The following SPC25 variants were observed in gnomAD, a reference collection of about 807,000 sequenced individuals.
SPC25 encodes the protein kinetochore protein Spc25.
Under a neutral mutation model 29.6 loss-of-function variants are expected in SPC25, and 22 were observed. The observed-to-expected ratio is 0.74, with a 90% CI of 0.53 to 1.06. The LOEUF is 1.06. Among genes scored for constraint, SPC25 ranks in the 50% least tolerant of loss-of-function variants. The pLI is 0.00. For synonymous variants in SPC25, 91 were observed against 90.4 expected (o/e 1.01, Z -0.04); for missense variants, 230 against 255.8 (o/e 0.90, Z 0.69).
chr2:168,863,587 A>AAATTGATGTTGTAT, intron 4 of SPC25: 4 of 985,230 alleles, frequency 4.1e-6, no homozygotes, highest in Non-Finnish European at 4.8e-6. Flanking sequence ...TATTGTCTCC[A>AAATTGATGTTGTAT]AATTGATGTT....
intron 3 of SPC25, among the ~76,000 whole-genome samples, chr2:168,888,924 CGTGTGTGTGTGTGT>C (rs375198489): frequency 5.7e-5 from 5 of 87,508 alleles, no homozygotes; most frequent in African/African-American, 2.2e-4. Context: ...ACTACATGTA[CGTGTGTGTGTGTGT>C]GTGTGTGTGT....
chr2:168,889,571 G>T (rs1338658964), intron 1 of SPC25, 38 bp from the exon 2 acceptor site: 1 of 1,571,964 alleles, frequency 6.4e-7, no homozygotes, highest in African/African-American at 1.3e-5. Context: ...TTAAGTTACT[G>T]AAATCAAATC....
intron 3 of SPC25, among the ~76,000 whole-genome samples, chr2:168,887,239 G>A (rs901215271): frequency 9.9e-5 from 15 of 151,918 alleles, no homozygotes; most frequent in African/African-American, 2.9e-4. Context: ...TGGCTAACAC[G>A]GTGAAACCCC....
Position 168,876,163 on chromosome 2 carries a change from A to G in SPC25, c.360T>C (p.Ala120=), listed in dbSNP as rs758104552. ...TCAACCTCTCTGCATTCGCTTTATTAGCAGTAGAAATAGCTGATTAAAAAA... is the reference window on the plus strand; with the variant it reads ...TCAACCTCTCTGCATTCGCTTTATTGGCAGTAGAAATAGCTGATTAAAAAA... ...YSRKKETIST[A]NKANAERLKR... The change falls in exon 5 of 7, where the codon GCT becomes GCC. Residue 120 remains alanine (A), a synonymous_variant. Coordinates refer to ENST00000282074, the MANE Select transcript of SPC25 (RefSeq NM_020675.4). The G allele has an allele frequency of 2.5e-5, 39 of 1,562,314 alleles. No individual in the cohort carries two copies. The highest frequency in any genetic ancestry group is 3.4e-5 in the Non-Finnish European group (39 of 1,162,352).
chr2:168,870,587 G>A (rs1355708356), downstream of SPC25, among the ~76,000 whole-genome samples: 1 of 151,736 alleles, frequency 6.6e-6, no homozygotes, highest in Non-Finnish European at 1.5e-5. Flanking sequence ...CATTTATGCA[G>A]CCAAAATCAC....
chr2:168,871,450 G>A lies in SPC25; in HGVS notation c.656C>T (p.Thr219Ile). ...TGTATGTTAATTATAAACCGTGGCA[G>A]TAAAAGCTTTCCGAACATTGGCAAG... Reference protein sequence around the residue: ...AFLANVRKAFTATVYN With the variant: ...AFLANVRKAFIATVYN Residue 219 changes from threonine (T) to isoleucine (I), a missense_variant, in exon 7 of 7, where the codon ACT (threonine) becomes ATT (isoleucine). Thr to Ile is a moderately conservative substitution (Grantham distance 89). Coordinates refer to ENST00000282074, the MANE Select transcript of SPC25 (RefSeq NM_020675.4). 4 of 1,607,516 alleles carry A rather than the reference G, an allele frequency of 2.5e-6. No homozygotes were observed. Among genetic ancestry groups the A allele is most frequent in the South Asian group, 1.1e-5 (1 of 89,194 alleles).
chr2:168,862,157 T>C (rs1689498323), intron 4 of SPC25: 3 of 904,552 alleles, frequency 3.3e-6, no homozygotes, highest in Non-Finnish European at 3.5e-6. Context: ...CCATGTCAAA[T>C]CAGTTCACCC....
At position 168,871,573 on chromosome 2, in the gene SPC25, A is replaced by T. The variant is rs751053529; in HGVS notation, c.551-18T>A. The T allele has an allele frequency of 6.5e-7, 1 of 1,544,662 alleles. No individual in the cohort carries two copies. The highest frequency in any genetic ancestry group is 8.7e-7 in the Non-Finnish European group (1 of 1,152,606). On this transcript the variant is annotated intron_variant, in intron 6 of 6. Coordinates refer to ENST00000282074, the MANE Select transcript of SPC25 (RefSeq NM_020675.4). ...ATCTGACACTAGAAAAAAAAAAAAA[A>T]GAAATCAAAGACAATTAGAATGAGT...
intron 3 of SPC25, among the ~76,000 whole-genome samples, chr2:168,881,083 T>C (rs528336616): frequency 6.6e-6 from 1 of 152,292 alleles, no homozygotes; most frequent in South Asian, 2.1e-4. Context: ...TTTGTAAAAA[T>C]TGCAATATCT....
intron 4 of SPC25, among the ~76,000 whole-genome samples, chr2:168,876,972 A>G (rs796935897): frequency 1.3e-4 from 20 of 152,242 alleles, no homozygotes; most frequent in African/African-American, 4.8e-4. Context: ...ACCATTTCTC[A>G]CTCTGCTTAA....
At chr2:168,864,434 C>A (rs533539605) in intron 4 of SPC25, among the ~76,000 whole-genome samples, 1 of 151,570 alleles carries the variant, frequency 6.6e-6, no homozygotes, top group African/African-American at 2.4e-5. Flanking sequence ...TACAGGCGTG[C>A]GCCACCACAC....
chr2:168,866,441 T>A, downstream of SPC25, among the ~76,000 whole-genome samples: 1 of 150,488 alleles, frequency 6.6e-6, no homozygotes, highest in East Asian at 2.0e-4. Flanking sequence ...AAGCTGAAAC[T>A]GGATCCCTTC....
At position 168,862,000 on chromosome 2, in the gene SPC25, C is replaced by A. The variant is rs757389670; in HGVS notation, n.419+11585G>T. On this transcript the variant is annotated intron_variant and non_coding_transcript_variant, in intron 4 of 4. Coordinates refer to the SPC25 transcript ENST00000479309. ...AGCTCAGCAGCAGACTTTGCAAGGC[C>A]TTGTATTCTTTTCAAGCCAGGCAAG... The A allele has an allele frequency of 1.9e-6, 3 of 1,614,048 alleles. No homozygotes were observed. In the Admixed American group the frequency reaches 5.0e-5, roughly 27 times the overall value.
rs556775882 is a variant in SPC25 at position 168,863,917 on chromosome 2, AT to A, written n.419+9667del. Among the ~76,000 whole-genome samples the A allele has an allele frequency of 9.4e-4, 139 of 147,656 alleles. 1 individual carries two copies. The highest frequency in any genetic ancestry group is 2.6e-3 in the African/African-American group (104 of 40,522). On this transcript the variant is annotated intron_variant and non_coding_transcript_variant, in intron 4 of 4. Coordinates refer to the SPC25 transcript ENST00000479309. ...ATATGATCCAACGTGATCTTTTTTT[AT>A]TTTTTTTTTTGAGGCAGAGTCTTGC...
At position 168,871,498 on chromosome 2, in the gene SPC25, T is replaced by C. The variant is rs749220661; in HGVS notation, c.608A>G (p.Lys203Arg). Residue 203 changes from lysine (K) to arginine (R), a missense_variant, in exon 7 of 7, where the codon AAG (lysine) becomes AGG (arginine). By Grantham distance (26) the Lys-to-Arg change is conservative. Transcript: ENST00000282074. ...GLAEFQENVR[K>R]TNNFSAFLAN... is the part of the protein sequence containing the mutation. ...AAGAAAAGCTGAAAAATTGTTGGTC[T>C]TCCTTACATTCTCTTGAAATTCTGC... 2 of 1,610,342 alleles carry C rather than the reference T, an allele frequency of 1.2e-6. No individual in the cohort carries two copies. The highest frequency in any genetic ancestry group is 1.7e-6 in the Non-Finnish European group (2 of 1,178,462).
downstream of SPC25, among the ~76,000 whole-genome samples, chr2:168,868,443 A>T (rs1319164838): frequency 6.6e-6 from 1 of 152,326 alleles, no homozygotes; most frequent in Admixed American, 6.5e-5. Flanking sequence ...GATCAACAAA[A>T]TTGATAGACA....
At chr2:168,888,158 G>A (rs959511194) in intron 3 of SPC25, among the ~76,000 whole-genome samples, 1 of 152,142 alleles carries the variant, frequency 6.6e-6, no homozygotes, top group Non-Finnish European at 1.5e-5. Flanking sequence ...TGCACCAGTG[G>A]TCCCAGCTAC....
intron 4 of SPC25, among the ~76,000 whole-genome samples, chr2:168,862,457 GAA>G (rs1689524041): frequency 6.6e-6 from 1 of 152,208 alleles, no homozygotes; most frequent in South Asian, 2.1e-4. Flanking sequence ...GTCAGTGATG[GAA>G]AGTGATTAGA....
At chr2:168,886,898 T>C (rs1430893323) in intron 3 of SPC25, among the ~76,000 whole-genome samples, 4 of 152,202 alleles carry the variant, frequency 2.6e-5, no homozygotes, top group African/African-American at 7.2e-5. Context: ...CTTCATACTA[T>C]AGATAATCTT....
Sources: allele counts gnomAD v4.1 joint callset (sites outside exome capture counted in the v4.1 genomes callset), GRCh38; gene constraint gnomAD v4.1.1; transcripts MANE v1.5; gene names NCBI Gene and HGNC (gene_info 2026-07-23, HGNC 2026-07-21).